SORCS1: variants seen among roughly 807,000 people sequenced by gnomAD.
The protein encoded by SORCS1 is sortilin related VPS10 domain containing receptor 1.
A neutral mutation model predicts 146.1 loss-of-function variants in SORCS1; 60 were observed. The observed-to-expected ratio is 0.41, with a 90% confidence interval of 0.33 to 0.51. The LOEUF is 0.51. Ranked by LOEUF, SORCS1 falls within the 20% of genes least tolerant of loss-of-function variation. The probability of loss-of-function intolerance (pLI) is 0.21; values close to 1 mark genes in which losing one functional copy is unlikely to be tolerated. For missense variants in SORCS1, 1,352 were observed against 1,487.6 expected (o/e 0.91, Z 1.50); for synonymous variants, 637 against 584.0 (o/e 1.09, Z -1.31).
At position 106,896,164 on chromosome 10, in the gene SORCS1, C is replaced by T. The variant is rs532367070; in HGVS notation, c.626+60349G>A. Among the ~76,000 whole-genome samples, 7 of 152,226 alleles carry T rather than the reference C, an allele frequency of 4.6e-5. No individual in the cohort carries two copies. The East Asian group carries it at 1.2e-3, about 25-fold the overall frequency. ...AAAGTAGAGGCCGGGTGCAGTGGCT[C>T]ATGCCTGTATTCCTAGCACTTTGGG... On this transcript the variant is annotated intron_variant, in intron 2 of 25. Transcript: ENST00000263054.
chr10:106,718,565 G>C (rs1301282763), intron 6 of SORCS1, among the ~76,000 whole-genome samples: 1 of 152,234 alleles, frequency 6.6e-6, no homozygotes, highest in African/African-American at 2.4e-5. Context: ...CAAAGAGTGA[G>C]CAGCAGCAAG....
intron 14 of SORCS1, among the ~76,000 whole-genome samples, chr10:106,674,359 T>C (rs370813060): frequency 6.7e-5 from 2 of 29,904 alleles, no homozygotes; most frequent in South Asian, 8.8e-4. Flanking sequence ...AAAAAAAAAG[T>C]AGTAGTGGTA....
intron 1 of SORCS1, among the ~76,000 whole-genome samples, chr10:107,105,076 TAC>T (rs1209114133): frequency 2.6e-5 from 4 of 152,214 alleles, no homozygotes; most frequent in African/African-American, 9.7e-5. Flanking sequence ...ATAATACTGA[TAC>T]CGATCATAAT....
chr10:107,016,360 C>T (rs1564929454), intron 1 of SORCS1, among the ~76,000 whole-genome samples: 2 of 152,146 alleles, frequency 1.3e-5, no homozygotes, highest in African/African-American at 4.8e-5. Flanking sequence ...TTCAATTAGC[C>T]AGGTGCAGTG....
intron 3 of SORCS1, among the ~76,000 whole-genome samples, chr10:106,819,840 T>A (rs1246683868): frequency 6.6e-6 from 1 of 152,192 alleles, no homozygotes; most frequent in African/African-American, 2.4e-5. Flanking sequence ...TTAGCTCTCC[T>A]CTCTCTGAGA....
chr10:107,091,937 A>C (rs558008519), intron 1 of SORCS1, among the ~76,000 whole-genome samples: 2 of 152,314 alleles, frequency 1.3e-5, no homozygotes, highest in East Asian at 3.9e-4. Context: ...GAGCTCCTAC[A>C]TAATGCCATC....
At chr10:107,136,630 G>GT (rs1382715931) in intron 1 of SORCS1, among the ~76,000 whole-genome samples, 2 of 152,302 alleles carry the variant, frequency 1.3e-5, no homozygotes, top group African/African-American at 4.8e-5. Context: ...AGCAGATGCT[G>GT]TTTTAACTGC....
In SORCS1 at chr10:106,577,386, T is replaced by A; in HGVS notation, c.*34A>T. On this transcript the variant is annotated 3_prime_UTR_variant, in exon 26 of 26. Transcript: ENST00000263054. ...TGACAAGAGCGAAATTCTTTCCTGA[T>A]CAGCAGGTCGCCTGTAGCCTTTGGG... 1 of 1,613,580 alleles carries A rather than the reference T, an allele frequency of 6.2e-7. No individual in the cohort carries two copies. The highest frequency in any genetic ancestry group is 8.5e-7 in the Non-Finnish European group (1 of 1,179,580).
intron 2 of SORCS1, 93 bp downstream of exon 2, chr10:106,956,420 G>A (rs1954944632): frequency 8.8e-7 from 1 of 1,135,264 alleles, no homozygotes; most frequent in Non-Finnish European, 1.3e-6. Flanking sequence ...ATATCACCAG[G>A]AACCTTCCTG....
intron 2 of SORCS1, among the ~76,000 whole-genome samples, chr10:106,883,249 C>T (rs537314067): frequency 9.9e-5 from 15 of 152,148 alleles, no homozygotes; most frequent in South Asian, 4.1e-4. Context: ...TTCTGAATGA[C>T]GGGTGAGGTT....
intron 2 of SORCS1, among the ~76,000 whole-genome samples, chr10:106,922,261 A>G (rs904453992): frequency 6.6e-6 from 1 of 152,166 alleles, no homozygotes; most frequent in Non-Finnish European, 1.5e-5. Context: ...ACTGAGCACT[A>G]ACATAGAACC....
the SORCS1 span, among the ~76,000 whole-genome samples, chr10:107,170,913 T>C: frequency 6.6e-6 from 1 of 152,282 alleles, no homozygotes; most frequent in South Asian, 2.1e-4. Context: ...AATCCTAAAC[T>C]TGAAAGTCAA....
At chr10:106,602,281 C>T (rs1049940337) in intron 23 of SORCS1, among the ~76,000 whole-genome samples, 8 of 152,122 alleles carry the variant, frequency 5.3e-5, no homozygotes, top group African/African-American at 1.4e-4. Flanking sequence ...CATTCTAGTG[C>T]CATGTTTAAA....
Position 106,774,426 on chromosome 10 carries a change from AGTGT to A in SORCS1, c.885+2104_885+2107del, listed in dbSNP as rs3045083. ...AAAAATAATAAGGATTAGGTTCCAA[AGTGT>A]GTGTGTGTGTGTGTGTGTGTGTGTG... On this transcript the variant is annotated intron_variant, in intron 4 of 25. Coordinates refer to ENST00000263054, the MANE Select transcript of SORCS1 (RefSeq NM_052918.5). Among the ~76,000 whole-genome samples, 443 of 147,720 alleles carry A rather than the reference AGTGT, an allele frequency of 3.0e-3. 2 individuals are homozygous for A. Among genetic ancestry groups the A allele is most frequent in the South Asian group, 0.025 (116 of 4,642 alleles).
intron 5 of SORCS1, among the ~76,000 whole-genome samples, chr10:106,742,587 CCAGGTTGGTCTCAAACTCT>C (rs1857439922): frequency 6.6e-6 from 1 of 152,090 alleles, no homozygotes; most frequent in African/African-American, 2.4e-5. Flanking sequence ...ACTATGTTGG[CCAGGTTGGTCTCAAACTCT>C]TGACCTCAAG....
intron 16 of SORCS1, among the ~76,000 whole-genome samples, chr10:106,670,308 C>CA (rs1027096200): frequency 6.6e-6 from 1 of 152,220 alleles, no homozygotes; most frequent in African/African-American, 2.4e-5. Context: ...GCAAATGTCT[C>CA]AAGAAGGACT....
chr10:107,032,777 A>C (rs988040307), intron 1 of SORCS1, among the ~76,000 whole-genome samples: 1 of 152,186 alleles, frequency 6.6e-6, no homozygotes, highest in African/African-American at 2.4e-5. Context: ...TTCAGGGCTG[A>C]AACAACACAA....
intron 2 of SORCS1, among the ~76,000 whole-genome samples, chr10:106,831,697 T>C (rs755826062): frequency 2.7e-5 from 4 of 146,940 alleles, no homozygotes; most frequent in Non-Finnish European, 4.4e-5. Context: ...AATTAAGGAT[T>C]TATTCTGGCT....
intron 3 of SORCS1, among the ~76,000 whole-genome samples, chr10:106,782,253 C>G (rs111920193): frequency 0.02 from 2,984 of 152,056 alleles, 96 homozygotes; most frequent in African/African-American, 0.068. Context: ...GATTTTTTAA[C>G]GGAAAAAAAC....
Sources: allele counts gnomAD v4.1 joint callset (sites outside exome capture counted in the v4.1 genomes callset), GRCh38; gene constraint gnomAD v4.1.1; transcripts MANE v1.5; gene names NCBI Gene and HGNC (gene_info 2026-07-23, HGNC 2026-07-21).